LOC400499: variants seen among roughly 807,000 people sequenced by gnomAD.
the LOC400499 span, among the ~76,000 whole-genome samples, chr16:11,484,651 A>C: frequency 1.3e-5 from 2 of 152,116 alleles, no homozygotes; most frequent in African/African-American, 4.8e-5. Flanking sequence ...CAGGCTGTAC[A>C]CTTACAACTT....
chr16:11,412,644 T>C, the LOC400499 span, among the ~76,000 whole-genome samples: 1 of 152,210 alleles, frequency 6.6e-6, no homozygotes, highest in African/African-American at 2.4e-5. Context: ...ATCAGTGCCC[T>C]GCCTGGAGAG....
At chr16:11,390,124 G>T in the LOC400499 span, 1 of 1,232,296 alleles carries the variant, frequency 8.1e-7, no homozygotes, top group Non-Finnish European at 1.0e-6. Flanking sequence ...AGGCTGTACA[G>T]GTCCAGCAGT....
the LOC400499 span, among the ~76,000 whole-genome samples, chr16:11,505,475 GAA>G: frequency 1.1e-5 from 1 of 88,626 alleles, no homozygotes; most frequent in African/African-American, 4.4e-5. Flanking sequence ...TTTTTTTGGA[GAA>G]GAGTCTCACT....
the LOC400499 span, among the ~76,000 whole-genome samples, chr16:11,395,889 C>T: frequency 6.6e-6 from 1 of 152,116 alleles, no homozygotes. Flanking sequence ...TATCTGATCC[C>T]CTCCTACAGA....
the LOC400499 span, among the ~76,000 whole-genome samples, chr16:11,520,648 C>G: frequency 8.5e-6 from 1 of 117,574 alleles, no homozygotes; most frequent in African/African-American, 3.4e-5. Context: ...GCCTGGGCGA[C>G]AGAGTGAGAC....
chr16:11,439,382 G>A, the LOC400499 span: 8 of 396,976 alleles, frequency 2.0e-5, no homozygotes, highest in African/African-American at 4.1e-5. Context: ...TCCCTCCCTC[G>A]GGCCCCCATC....
At chr16:11,407,086 G>T in the LOC400499 span, 1 of 395,810 alleles carries the variant, frequency 2.5e-6, no homozygotes, top group African/African-American at 2.1e-5. Context: ...TCACAGCCTT[G>T]TCTGTCCTTC....
the LOC400499 span, among the ~76,000 whole-genome samples, chr16:11,461,941 G>A: frequency 6.6e-6 from 1 of 152,158 alleles, no homozygotes; most frequent in Admixed American, 6.5e-5. Flanking sequence ...AGGTTTGTGG[G>A]TGCAGTTGGA....
At chr16:11,398,386 G>A in the LOC400499 span, 56 of 1,232,186 alleles carry the variant, frequency 4.5e-5, 1 homozygote, top group South Asian at 8.2e-5. Flanking sequence ...AGGGAGTGCC[G>A]CAGCCAGCGT....
At chr16:11,493,398 A>C in the LOC400499 span, among the ~76,000 whole-genome samples, 18 of 152,166 alleles carry the variant, frequency 1.2e-4, no homozygotes, top group Non-Finnish European at 5.9e-5. Flanking sequence ...TAGTCTGCCA[A>C]ACCCTGTACT....
chr16:11,487,999 C>T, the LOC400499 span, among the ~76,000 whole-genome samples: 35 of 151,920 alleles, frequency 2.3e-4, no homozygotes, highest in African/African-American at 8.5e-4. Context: ...CGCCTGTAGT[C>T]CCAGCTACTC....
the LOC400499 span, among the ~76,000 whole-genome samples, chr16:11,449,910 G>C: frequency 6.6e-6 from 1 of 152,320 alleles, no homozygotes; most frequent in African/African-American, 2.4e-5. Context: ...CCCCGGGCCA[G>C]GCCGCCATGC....
the LOC400499 span, among the ~76,000 whole-genome samples, chr16:11,502,450 C>A: frequency 2.0e-5 from 3 of 152,184 alleles, no homozygotes; most frequent in Admixed American, 2.0e-4. Flanking sequence ...CCTTGCATTG[C>A]ACTCAGGATA....
the LOC400499 span, among the ~76,000 whole-genome samples, chr16:11,468,911 G>C: frequency 2.6e-5 from 4 of 152,238 alleles, no homozygotes; most frequent in African/African-American, 7.2e-5. Context: ...ACAAGTGTGA[G>C]CCACTGCATC....
the LOC400499 span, among the ~76,000 whole-genome samples, chr16:11,490,396 G>GAAGAA: frequency 6.6e-5 from 4 of 60,596 alleles, no homozygotes; most frequent in East Asian, 1.9e-3. Flanking sequence ...ACTCTGTCTC[G>GAAGAA]AAAAAAAAAA....
the LOC400499 span, among the ~76,000 whole-genome samples, chr16:11,384,646 A>G: frequency 2.0e-5 from 3 of 152,274 alleles, no homozygotes; most frequent in East Asian, 5.8e-4. Context: ...CCAACTCCAC[A>G]CTGGAGCCGC....
At chr16:11,424,627 C>T in the LOC400499 span, among the ~76,000 whole-genome samples, 1 of 152,256 alleles carries the variant, frequency 6.6e-6, no homozygotes, top group African/African-American at 2.4e-5. Context: ...TCCCTTAGGA[C>T]TTCCAGCTCC....
the LOC400499 span, among the ~76,000 whole-genome samples, chr16:11,430,877 CA>C: frequency 6.6e-6 from 1 of 152,212 alleles, no homozygotes; most frequent in Non-Finnish European, 1.5e-5. Context: ...TCATTTCTCA[CA>C]AAGGGAAATC....
At chr16:11,514,833 G>A in the LOC400499 span, among the ~76,000 whole-genome samples, 2 of 152,210 alleles carry the variant, frequency 1.3e-5, no homozygotes, top group Non-Finnish European at 1.5e-5. Context: ...ATGACAAAGC[G>A]TCAGTATGAA....
Sources: gnomAD v4.1 joint callset for allele counts (sites outside exome capture counted in the v4.1 genomes callset) on GRCh38, gnomAD v4.1.1 for gene constraint, MANE v1.5 for transcripts.